Variants in NAALADL2 observed in about 807,000 individuals in gnomAD.
The protein encoded by NAALADL2 is N-acetylated alpha-linked acidic dipeptidase like 2, also known as inactive N-acetylated-alpha-linked acidic dipeptidase-like protein 2.
A neutral mutation model predicts 87.2 loss-of-function variants in NAALADL2; 76 were observed. The observed-to-expected ratio is 0.87, with a 90% CI of 0.72 to 1.05. The LOEUF is 1.05. Among genes scored for constraint, NAALADL2 ranks in the 50% least tolerant of loss-of-function variants. The probability of loss-of-function intolerance (pLI) is 0.00; values close to 1 mark genes in which losing one functional copy is unlikely to be tolerated. For synonymous variants in NAALADL2, 354 were observed against 331.0 expected, an observed-to-expected ratio of 1.07 and a Z score of -0.75; for missense variants, 1,089 against 945.8, an observed-to-expected ratio of 1.15 and a Z score of -1.99.
chr3:174,821,991 G>A (rs899708429), intron 3 of NAALADL2, among the ~76,000 whole-genome samples: 4 of 152,034 alleles, frequency 2.6e-5, no homozygotes, highest in African/African-American at 7.3e-5. Flanking sequence ...AATTCACTGC[G>A]ATAATAAAGA....
chr3:174,668,248 C>T (rs1470480895), intron 2 of NAALADL2, among the ~76,000 whole-genome samples: 1 of 151,980 alleles, frequency 6.6e-6, no homozygotes, highest in African/African-American at 2.4e-5. Context: ...ATTGTATATT[C>T]TGGATGTTAG....
At chr3:174,705,664 T>A (rs1342374814) in intron 2 of NAALADL2, among the ~76,000 whole-genome samples, 2 of 151,068 alleles carry the variant, frequency 1.3e-5, no homozygotes, top group African/African-American at 4.9e-5. Context: ...GCGCCTGTAA[T>A]CCCAGCTACT....
At chr3:175,216,883 G>C (rs1045840304) in intron 2 of NAALADL2, among the ~76,000 whole-genome samples, 2 of 151,944 alleles carry the variant, frequency 1.3e-5, no homozygotes, top group Non-Finnish European at 2.9e-5. Flanking sequence ...TGGCCAGGCT[G>C]GTCTCGAACT....
chr3:174,853,713 G>T (rs1725529775), intron 3 of NAALADL2, among the ~76,000 whole-genome samples: 1 of 151,994 alleles, frequency 6.6e-6, no homozygotes, highest in South Asian at 2.1e-4. Flanking sequence ...TTTAAAATGG[G>T]CCAAAGATCT....
chr3:174,497,654 A>G (rs1718629862), intron 1 of NAALADL2, among the ~76,000 whole-genome samples: 1 of 152,138 alleles, frequency 6.6e-6, no homozygotes, highest in African/African-American at 2.4e-5. Context: ...CTAGTAGAGC[A>G]TGACTTCTTG....
At chr3:175,634,670 C>A (rs1256609483) in intron 11 of NAALADL2, among the ~76,000 whole-genome samples, 1 of 151,908 alleles carries the variant, frequency 6.6e-6, no homozygotes, top group Non-Finnish European at 1.5e-5. Context: ...ATGAGCAAAT[C>A]TGTCTTCTAG....
chr3:174,595,611 T>C (rs565959024), intron 2 of NAALADL2, among the ~76,000 whole-genome samples: 16 of 152,304 alleles, frequency 1.1e-4, no homozygotes, highest in African/African-American at 3.8e-4. Flanking sequence ...CCTTTTCTTT[T>C]GAAAAGAGGT....
chr3:174,468,425 G>T (rs1046023717), intron 1 of NAALADL2, among the ~76,000 whole-genome samples: 8 of 141,640 alleles, frequency 5.6e-5, no homozygotes, highest in African/African-American at 2.1e-4. Flanking sequence ...CTCTTGCCCA[G>T]GCTGGAGTGC....
chr3:174,799,856 G>A (rs1422826931), intron 3 of NAALADL2, among the ~76,000 whole-genome samples: 3 of 152,162 alleles, frequency 2.0e-5, no homozygotes, highest in Admixed American at 6.5e-5. Flanking sequence ...CCAGGATGAG[G>A]TGGTCTCAGA....
chr3:174,586,611 C>T (rs916956143), intron 2 of NAALADL2, among the ~76,000 whole-genome samples: 1 of 152,198 alleles, frequency 6.6e-6, no homozygotes, highest in Non-Finnish European at 1.5e-5. Flanking sequence ...CCTCCCGCAT[C>T]AGCCTCCACT....
intron 9 of NAALADL2, among the ~76,000 whole-genome samples, chr3:175,544,862 C>CTTG (rs1306952503): frequency 6.6e-6 from 1 of 152,116 alleles, no homozygotes; most frequent in African/African-American, 2.4e-5. Flanking sequence ...TAGCTTTTCA[C>CTTG]TTGTCCCCCA....
chr3:174,674,067 G>T (rs1258915053), intron 2 of NAALADL2, among the ~76,000 whole-genome samples: 1 of 151,974 alleles, frequency 6.6e-6, no homozygotes, highest in Non-Finnish European at 1.5e-5. Flanking sequence ...CAAGCATCGT[G>T]CTGGCATCTG....
chr3:174,821,809 C>A (rs1262773666), intron 3 of NAALADL2, among the ~76,000 whole-genome samples: 1 of 152,154 alleles, frequency 6.6e-6, no homozygotes, highest in Non-Finnish European at 1.5e-5. Flanking sequence ...TATGGGTTAA[C>A]TATCCAGATT....
chr3:175,623,597 G>A (rs1349799303), intron 10 of NAALADL2, among the ~76,000 whole-genome samples: 1 of 152,018 alleles, frequency 6.6e-6, no homozygotes. Context: ...TATGACAAGT[G>A]TTTCTCTAAC....
At chr3:175,650,624 C>G (rs922288295) in intron 11 of NAALADL2, among the ~76,000 whole-genome samples, 1 of 152,076 alleles carries the variant, frequency 6.6e-6, no homozygotes. Flanking sequence ...ATTCTTCCCC[C>G]GAAATGATGA....
At chr3:175,636,115 A>G (rs1728493859) in intron 11 of NAALADL2, among the ~76,000 whole-genome samples, 1 of 152,090 alleles carries the variant, frequency 6.6e-6, no homozygotes, top group South Asian at 2.1e-4. Flanking sequence ...ACACACATAT[A>G]TGATATGGGC....
intron 3 of NAALADL2, among the ~76,000 whole-genome samples, chr3:174,760,890 G>A (rs1288324091): frequency 6.6e-6 from 1 of 152,130 alleles, no homozygotes; most frequent in Non-Finnish European, 1.5e-5. Context: ...CTTTGTGATT[G>A]TCCAAGTCTA....
At chr3:174,925,535 A>G (rs1216639229) in intron 1 of NAALADL2, among the ~76,000 whole-genome samples, 1 of 152,036 alleles carries the variant, frequency 6.6e-6, no homozygotes, top group Non-Finnish European at 1.5e-5. Context: ...TTCGGCTTAG[A>G]ATTGTTTTGG....
At chr3:174,661,772 G>A (rs1725527474) in intron 2 of NAALADL2, among the ~76,000 whole-genome samples, 1 of 151,990 alleles carries the variant, frequency 6.6e-6, no homozygotes, top group African/African-American at 2.4e-5. Context: ...CACACTCTGT[G>A]TCCATGGATA....
Sources: gnomAD v4.1 joint callset for allele counts (sites outside exome capture counted in the v4.1 genomes callset) on GRCh38, gnomAD v4.1.1 for gene constraint, MANE v1.5 for transcripts, NCBI Gene and HGNC (gene_info 2026-07-23, HGNC 2026-07-21) for gene names.